RIPOR2: variants seen among roughly 807,000 people sequenced by gnomAD.
RIPOR2 encodes the protein RHO family interacting cell polarization regulator 2, also known as rho family-interacting cell polarization regulator 2.
A neutral mutation model predicts 114.5 loss-of-function variants in RIPOR2; 39 were observed. The ratio of observed to expected loss-of-function variants is 0.34; its 90% CI spans 0.26 to 0.44. The LOEUF (loss-of-function observed/expected upper bound fraction) is 0.44. Among genes scored for constraint, RIPOR2 ranks in the 20% least tolerant of loss-of-function variants. The probability of loss-of-function intolerance (pLI) is 1.00; values close to 1 mark genes in which losing one functional copy is unlikely to be tolerated. For synonymous variants in RIPOR2, 445 were observed against 484.4 expected (o/e 0.92, Z 1.07); for missense variants, 1,007 against 1,255.1 (o/e 0.80, Z 2.99).
chr6:24,894,682 T>A (rs1767683265), intron 1 of RIPOR2, among the ~76,000 whole-genome samples: 1 of 152,204 alleles, frequency 6.6e-6, no homozygotes, highest in East Asian at 1.9e-4. Context: ...CCAGGCGTTT[T>A]ACTTTCATAT....
intron 12 of RIPOR2, among the ~76,000 whole-genome samples, chr6:24,845,387 C>A (rs934472548): frequency 1.3e-5 from 2 of 152,110 alleles, no homozygotes; most frequent in Non-Finnish European, 2.9e-5. Context: ...CTCCCTAGAC[C>A]TCATCCATGG....
intron 1 of RIPOR2, among the ~76,000 whole-genome samples, chr6:24,946,079 T>A (rs1268254584): frequency 9.9e-6 from 1 of 101,200 alleles, no homozygotes; most frequent in Non-Finnish European, 2.0e-5. Context: ...TATTTATTTA[T>A]TTTTAATTAA....
chr6:24,843,086 G>C lies in RIPOR2; in HGVS notation c.1633C>G (p.Gln545Glu). ...GCAGATGTGAGCCTCTTGACCAGCTGCTTTGTGATGTTTCCTTCCGAAGTG... is the reference window on the plus strand; with the variant it reads ...GCAGATGTGAGCCTCTTGACCAGCTCCTTTGTGATGTTTCCTTCCGAAGTG... The part of the protein sequence containing the change: ...LDTSEGNITK[Q>E]LVKRLTSAEV... Residue 545 changes from glutamine to glutamate, a missense_variant, in exon 13 of 22, where the codon CAG (glutamine) becomes GAG (glutamate). Physicochemically the swap from Gln to Glu is conservative, Grantham distance 29. Coordinates refer to ENST00000643898, the MANE Select transcript of RIPOR2 (RefSeq NM_001286445.3). The C allele has an allele frequency of 6.2e-7, 1 of 1,613,862 alleles. No homozygotes were observed. The highest frequency in any genetic ancestry group is 8.5e-7 in the Non-Finnish European group (1 of 1,179,754).
intron 1 of RIPOR2, among the ~76,000 whole-genome samples, chr6:24,888,103 C>A (rs1368165862): frequency 6.6e-6 from 1 of 152,192 alleles, no homozygotes; most frequent in South Asian, 2.1e-4. Context: ...AGTACATTTA[C>A]CTATTTTAAA....
intron 1 of RIPOR2, among the ~76,000 whole-genome samples, chr6:24,968,426 C>A (rs381441): frequency 0.82 from 125,232 of 152,098 alleles, 54,320 homozygotes; most frequent in East Asian, 0.96. Flanking sequence ...GAGTGGACGC[C>A]CCGTGTATAC....
chr6:24,984,020 C>A (rs1774423209), intron 1 of RIPOR2, among the ~76,000 whole-genome samples: 2 of 152,048 alleles, frequency 1.3e-5, no homozygotes, highest in Non-Finnish European at 1.5e-5. Flanking sequence ...CCTCAAGGAC[C>A]ATAAGGAAGA....
At chr6:25,003,384 C>CATCATT (rs71544609) in intron 1 of RIPOR2, among the ~76,000 whole-genome samples, 2 of 143,866 alleles carry the variant, frequency 1.4e-5, no homozygotes, top group Admixed American at 7.0e-5. Flanking sequence ...AGAATTAACA[C>CATCATT]ATTATTATTA....
chr6:25,003,036 A>G (rs990132133), intron 1 of RIPOR2, among the ~76,000 whole-genome samples: 1 of 152,230 alleles, frequency 6.6e-6, no homozygotes, highest in African/African-American at 2.4e-5. Flanking sequence ...TTTATATTCC[A>G]TGGAACATTT....
rs1760754232 is a variant in RIPOR2, at chr6:24,832,320, T to C, written c.2280A>G (p.Gln760=). 24 of 1,551,976 alleles carry C rather than the reference T, an allele frequency of 1.5e-5. No individual in the cohort carries two copies. The highest frequency in any genetic ancestry group is 2.1e-5 in the Non-Finnish European group (24 of 1,147,000). ...SLLEKLSRQI[Q]VMEKLAAVSD... is the part of the protein sequence containing the mutation. ...TGACAGCTGCGAGTTTCTCCATCAC[T>C]TGGATCTGCCTAGAAAGCTTCTCTA... The change falls in exon 16 of 22, where the codon CAA becomes CAG. Residue 760 remains glutamine, a synonymous_variant. Coordinates refer to ENST00000643898, the MANE Select transcript of RIPOR2 (RefSeq NM_001286445.3).
chr6:24,840,045 G>A, intron 13 of RIPOR2: 6 of 813,796 alleles, frequency 7.4e-6, no homozygotes, highest in Non-Finnish European at 8.9e-6. Flanking sequence ...AATCTCCCGG[G>A]CTTAAGCAAT....
At position 24,927,126 on chromosome 6, in the gene RIPOR2, T is replaced by TCAC; in HGVS notation, c.61+8711_61+8712insGTG. 2.2e-3 allele frequency among the ~76,000 whole-genome samples: 11 copies of TCAC among 4,964 alleles called. 3 individuals carry two copies. The highest frequency in any genetic ancestry group is 7.0e-3 in the African/African-American group (7 of 1,002). The allele number at this position is 4,964 out of a possible 152,430, so 3.3% of individuals were successfully genotyped here. On this transcript the variant is annotated intron_variant, in intron 1 of 21. Coordinates refer to ENST00000643898, the MANE Select transcript of RIPOR2 (RefSeq NM_001286445.3). Reference sequence around the variant, plus strand: ...ACCACCACCATGATTATTATAATCATCATCTCACTACCACCACCACCACCA... The same window carrying TCAC: ...ACCACCACCATGATTATTATAATCATCACCATCTCACTACCACCACCACCACCA...
chr6:25,029,562 C>T (rs935334833), intron 1 of RIPOR2, among the ~76,000 whole-genome samples: 2 of 151,764 alleles, frequency 1.3e-5, no homozygotes, highest in African/African-American at 4.8e-5. Context: ...CACAGATGAG[C>T]AGGGGCAAGA....
chr6:24,916,474 T>C lies in RIPOR2; in HGVS notation c.61+19364A>G, dbSNP rs191754207. 5.3e-3 allele frequency among the ~76,000 whole-genome samples: 801 copies of C among 152,294 alleles called. 7 individuals are homozygous for C. The highest frequency in any genetic ancestry group is 0.018 in the African/African-American group (761 of 41,574). On this transcript the variant is annotated intron_variant, in intron 1 of 21. Transcript: ENST00000643898. ...ATAGTAACCTCTATATTAATGAGTG[T>C]AGAGGATAGCCAATAAATATTGACT...
intron 1 of RIPOR2, among the ~76,000 whole-genome samples, chr6:24,943,437 C>T (rs1273754294): frequency 6.6e-6 from 1 of 152,062 alleles, no homozygotes; most frequent in Admixed American, 6.5e-5. Context: ...CACATGCATA[C>T]GTATGTGACT....
chr6:24,825,117 A>C, intron 19 of RIPOR2, 109 bp downstream of exon 19: 1 of 799,710 alleles, frequency 1.3e-6, no homozygotes, highest in Non-Finnish European at 1.9e-6. Context: ...ACACATTATT[A>C]ATACGCAGAA....
chr6:24,825,485 A>C, intron 18 of RIPOR2, 57 bp from the exon 19 acceptor site: 1 of 1,244,704 alleles, frequency 8.0e-7, no homozygotes, highest in Non-Finnish European at 1.1e-6. Flanking sequence ...TAATCAGCTC[A>C]TTACAAATAT....
rs765293470 is a variant in RIPOR2, at chr6:24,806,420, C to T, written c.3097G>A (p.Val1033Ile). 3 of 1,551,722 alleles carry T rather than the reference C, an allele frequency of 1.9e-6. No individual in the cohort carries two copies. The African/African-American group carries it at 4.1e-5, about 21-fold the overall frequency. Residue 1033 changes from valine to isoleucine, a missense_variant, in exon 22 of 22, where the codon GTT becomes ATT. By Grantham distance (29) the Val-to-Ile change is conservative. Transcript: ENST00000643898. ...GTTCCATGACGACCTCCGACTTTAA[C>T]ACAGTCTCGAGGAAATTTGTCCAAT... ...EQLDKFPRDCVKVGGRHGTEV... is the reference protein window; with the variant it reads ...EQLDKFPRDCIKVGGRHGTEV...
At chr6:24,839,722 A>G (rs1430923674) in intron 13 of RIPOR2, 2 of 1,455,412 alleles carry the variant, frequency 1.4e-6, no homozygotes, top group South Asian at 1.5e-5. Context: ...GCTCACCCCA[A>G]AATAAAATAC....
intron 1 of RIPOR2, chr6:24,877,052 A>T (rs1765851640): frequency 2.0e-6 from 2 of 985,340 alleles, no homozygotes; most frequent in African/African-American, 3.5e-5. Context: ...GTGGGCAGAC[A>T]ACAAATCGGT....
Sources: allele counts gnomAD v4.1 joint callset (sites outside exome capture counted in the v4.1 genomes callset), GRCh38; gene constraint gnomAD v4.1.1; transcripts MANE v1.5; gene names NCBI Gene and HGNC (gene_info 2026-07-23, HGNC 2026-07-21).